The following CD33 variants were observed in gnomAD, a reference collection of about 807,000 sequenced individuals.
The protein encoded by CD33 is myeloid cell surface antigen CD33.
CD33 carries 25 observed loss-of-function variants against 31.4 expected under a neutral mutation model. That is an observed-to-expected ratio of 0.80 (90% CI 0.58 to 1.11). The LOEUF is 1.11. Ranked by LOEUF, CD33 falls within the 50% of genes most tolerant of loss-of-function variation. The probability of loss-of-function intolerance (pLI) is 0.00; values close to 1 mark genes in which losing one functional copy is unlikely to be tolerated. For synonymous variants in CD33, 176 were observed against 180.6 expected (o/e 0.97, Z 0.20); for missense variants, 407 against 448.1 (o/e 0.91, Z 0.83).
rs902752109 is a variant in CD33 at position 51,235,673 on chromosome 19, C to T, written c.921C>T (p.Ser307=). 6.2e-7 allele frequency: 1 copy of T among 1,612,586 alleles called. No individual in the cohort carries two copies. The highest frequency in any genetic ancestry group is 8.5e-7 in the Non-Finnish European group (1 of 1,179,394). ...NDTHPTTGSA[S]PKHQKKSKLH... The stretch of plus-strand genomic sequence containing the variant: ...CCCACCCTACCACAGGGTCAGCCTC[C>T]CCGGTGAGTGATGGGGCATCCTGGC... Residue 307 remains serine, a synonymous_variant, in exon 6 of 7, where the codon TCC becomes TCT. Transcript: ENST00000262262.
chr19:51,224,951 T>C, upstream of CD33: 3 of 824,588 alleles, frequency 3.6e-6, no homozygotes, highest in African/African-American at 5.0e-5. Flanking sequence ...GGTCAATCTG[T>C]GTGGAGGGGA....
chr19:51,215,826 C>G, the CD33 span, among the ~76,000 whole-genome samples: 1 of 152,278 alleles, frequency 6.6e-6, no homozygotes, highest in South Asian at 2.1e-4. Flanking sequence ...CCGTCCTGAC[C>G]TTGGTCATGC....
At chr19:51,230,853 T>C (rs986459762) in intron 4 of CD33, among the ~76,000 whole-genome samples, 11 of 152,192 alleles carry the variant, frequency 7.2e-5, no homozygotes, top group African/African-American at 2.7e-4. Flanking sequence ...TTGGAACATG[T>C]CCTGGGTCCA....
the CD33 span, chr19:51,211,196 G>A: frequency 1.6e-5 from 25 of 1,579,804 alleles, no homozygotes; most frequent in South Asian, 1.1e-4. Context: ...GCTGACCCTC[G>A]TTTCCCCACA....
At chr19:51,238,485 G>A (rs1224144620) in intron 6 of CD33, 2 of 152,382 alleles carry the variant, frequency 1.3e-5, no homozygotes, top group African/African-American at 4.8e-5. Context: ...TGTAAATGGT[G>A]AGAAAGCTGA....
At chr19:51,227,343 A>G (rs989706364) in intron 4 of CD33, among the ~76,000 whole-genome samples, 3 of 152,328 alleles carry the variant, frequency 2.0e-5, no homozygotes, top group Non-Finnish European at 2.9e-5. Flanking sequence ...TCAAAAGTAT[A>G]TAAGAGTTCC....
the CD33 span, chr19:51,211,384 C>T: frequency 4.5e-6 from 7 of 1,559,284 alleles, no homozygotes; most frequent in African/African-American, 9.5e-5. Flanking sequence ...CAGGGACTCT[C>T]CAGTGGCCAC....
chr19:51,232,676 C>T (rs968831128), intron 4 of CD33, among the ~76,000 whole-genome samples: 2 of 152,156 alleles, frequency 1.3e-5, no homozygotes, highest in African/African-American at 4.8e-5. Context: ...TTGACCTAGC[C>T]TGTTGTTGAA....
chr19:51,235,303 C>G (rs1981703126), intron 5 of CD33, 50 bp downstream of exon 5: 1 of 1,543,772 alleles, frequency 6.5e-7, no homozygotes, highest in South Asian at 1.1e-5. Flanking sequence ...AGAGGATGGA[C>G]CTGGTGTAGA....
upstream of CD33, among the ~76,000 whole-genome samples, chr19:51,223,111 T>C (rs117368363): frequency 6.5e-3 from 994 of 151,996 alleles, 1 homozygote; most frequent in Non-Finnish European, 9.0e-3. Context: ...TCCCAGCTAC[T>C]AGAGAGGATG....
chr19:51,220,730 G>A (rs549147747), upstream of CD33, among the ~76,000 whole-genome samples: 13 of 152,228 alleles, frequency 8.5e-5, no homozygotes, highest in South Asian at 1.9e-3. Flanking sequence ...TTACTGAGCC[G>A]CTGTGTGATC....
chr19:51,226,042 G>C lies in CD33; in HGVS notation c.658G>C (p.Gly220Arg), dbSNP rs754373588. 3.7e-6 allele frequency: 6 copies of C among 1,614,096 alleles called. No homozygotes were observed. The South Asian group carries it at 5.5e-5, about 15-fold the overall frequency. Residue 220 changes from glycine to arginine, a missense_variant, in exon 3 of 7, where the codon GGT (glycine) becomes CGT (arginine). Physicochemically the swap from Gly to Arg is moderately radical, Grantham distance 125 (BLOSUM62 -2). Coordinates refer to ENST00000262262, the MANE Select transcript of CD33 (RefSeq NM_001772.4). ...CTGTCAGGTGAAGTTCGCTGGAGCTGGTGTGACTACGGAGAGAACCATCCA... is the reference window on the plus strand; with the variant it reads ...CTGTCAGGTGAAGTTCGCTGGAGCTCGTGTGACTACGGAGAGAACCATCCA... ...LTCQVKFAGA[G>R]VTTERTIQLN...
chr19:51,237,005 G>A (rs1232566451), intron 6 of CD33: 1 of 152,252 alleles, frequency 6.6e-6, no homozygotes, highest in African/African-American at 2.4e-5. Flanking sequence ...AGGAAAACCA[G>A]AGTCCCCTTC....
chr19:51,219,025 T>G, the CD33 span, among the ~76,000 whole-genome samples: 1 of 151,326 alleles, frequency 6.6e-6, no homozygotes, highest in African/African-American at 2.4e-5. Flanking sequence ...TGTTTCTATA[T>G]GAATTTTAGA....
At chr19:51,220,782 C>T (rs966253981), upstream of CD33, among the ~76,000 whole-genome samples, 2 of 152,144 alleles carry the variant, frequency 1.3e-5, no homozygotes, top group Admixed American at 6.5e-5. Context: ...CCAGACCTTG[C>T]CTTCTCTTTC....
the CD33 span, among the ~76,000 whole-genome samples, chr19:51,213,469 C>T: frequency 2.0e-5 from 3 of 152,138 alleles, no homozygotes; most frequent in African/African-American, 7.2e-5. Flanking sequence ...GTTGCAATTT[C>T]TCCATATTCT....
rs527874188 is a variant in CD33, at chr19:51,236,050, T to C, written c.924+374T>C. 100 of 541,128 alleles carry C rather than the reference T, an allele frequency of 1.8e-4. 1 individual carries two copies. The highest frequency in any genetic ancestry group is 1.4e-3 in the East Asian group (40 of 29,514). The allele number at this position is 541,128 out of a possible 1,614,324, so 33.5% of individuals were successfully genotyped here. A position where few individuals can be genotyped will look rare whatever the true frequency, so the allele number is the denominator to read the frequency against. On this transcript the variant is annotated intron_variant, in intron 6 of 6. Coordinates refer to ENST00000262262, the MANE Select transcript of CD33 (RefSeq NM_001772.4). ...GCTGGCGCCTGTAGTCCCAGCTACT[T>C]GGGAGGCTGAGGCAGGAGAATGGTA...
At chr19:51,223,942 T>A (rs145244908), upstream of CD33, among the ~76,000 whole-genome samples, 128 of 151,534 alleles carry the variant, frequency 8.4e-4, no homozygotes, top group African/African-American at 2.9e-3. Context: ...GGATGGGGAG[T>A]ATCTTAAGGG....
intron 4 of CD33, among the ~76,000 whole-genome samples, chr19:51,232,312 T>C (rs756823004): frequency 6.6e-6 from 1 of 152,208 alleles, no homozygotes; most frequent in Non-Finnish European, 1.5e-5. Flanking sequence ...TGTGACTAGA[T>C]ACTTTTACCT....
Sources: allele counts gnomAD v4.1 joint callset (sites outside exome capture counted in the v4.1 genomes callset), GRCh38; gene constraint gnomAD v4.1.1; transcripts MANE v1.5; gene names NCBI Gene and HGNC (gene_info 2026-07-23, HGNC 2026-07-21).